The following MCTP1 variants were observed in gnomAD, a reference collection of about 807,000 sequenced individuals.
The protein encoded by MCTP1 is multiple C2 and transmembrane domain containing 1, also known as multiple C2 and transmembrane domain-containing protein 1.
A neutral mutation model predicts 120.6 loss-of-function variants in MCTP1; 69 were observed. The observed-to-expected ratio is 0.57, with a 90% CI of 0.47 to 0.70. The LOEUF is 0.70. Among genes scored for constraint, MCTP1 ranks in the 30% least tolerant of loss-of-function variants. MCTP1 has a pLI of 0.00. For synonymous variants in MCTP1, 529 were observed against 493.1 expected, an observed-to-expected ratio of 1.07 and a Z score of -0.96; for missense variants, 1,203 against 1,248.8, an observed-to-expected ratio of 0.96 and a Z score of 0.55.
Position 94,882,485 on chromosome 5 carries a change from G to A in MCTP1, c.1933+6394C>T, listed in dbSNP as rs531076829. 2.0e-4 allele frequency among the ~76,000 whole-genome samples: 30 copies of A among 151,468 alleles called. No individual in the cohort carries two copies. In the South Asian group the frequency reaches 3.3e-3, roughly 17 times the overall value. ...TCTATTTGTAGCATTTCCTTGATCCGTTGTTCTAGAAAATACATCACTTAT... is the reference window on the plus strand; with the variant it reads ...TCTATTTGTAGCATTTCCTTGATCCATTGTTCTAGAAAATACATCACTTAT... On this transcript the variant is annotated intron_variant, in intron 12 of 22. Transcript: ENST00000515393.
At chr5:95,025,997 T>C (rs1839184276) in intron 1 of MCTP1, among the ~76,000 whole-genome samples, 1 of 152,092 alleles carries the variant, frequency 6.6e-6, no homozygotes, top group African/African-American at 2.4e-5. Flanking sequence ...GAGGTCTTTT[T>C]ATATAAATAA....
intron 1 of MCTP1, among the ~76,000 whole-genome samples, chr5:95,279,421 T>C (rs1342513005): frequency 6.6e-6 from 1 of 152,204 alleles, no homozygotes; most frequent in Non-Finnish European, 1.5e-5. Flanking sequence ...AGTACTACCT[T>C]GATTTGTCAC....
intron 9 of MCTP1, 124 bp downstream of exon 9, chr5:94,912,682 T>C: frequency 1.4e-6 from 1 of 713,258 alleles, no homozygotes; most frequent in Non-Finnish European, 2.1e-6. Flanking sequence ...TTTTCTGACA[T>C]GGTGTTCAAA....
chr5:95,016,429 C>T (rs1278205354), intron 2 of MCTP1, among the ~76,000 whole-genome samples: 1 of 152,018 alleles, frequency 6.6e-6, no homozygotes, highest in East Asian at 1.9e-4. Context: ...TATTTTATTC[C>T]TTTAGATATA....
chr5:94,875,533 T>C (rs1356819392), intron 12 of MCTP1, among the ~76,000 whole-genome samples: 1 of 151,980 alleles, frequency 6.6e-6, no homozygotes, highest in Non-Finnish European at 1.5e-5. Context: ...ATGGCTGCTA[T>C]TTGGAAAATA....
intron 3 of MCTP1, among the ~76,000 whole-genome samples, chr5:94,943,630 C>T (rs369247746): frequency 3.9e-5 from 6 of 152,000 alleles, no homozygotes; most frequent in African/African-American, 1.2e-4. Context: ...CCATTCTCAA[C>T]GCTTACAGTT....
At chr5:94,750,287 C>T (rs112958125) in intron 19 of MCTP1, among the ~76,000 whole-genome samples, 22 of 152,276 alleles carry the variant, frequency 1.4e-4, no homozygotes, top group African/African-American at 3.1e-4. Flanking sequence ...ATGTTATTGA[C>T]GTACAGGGGG....
intron 17 of MCTP1, among the ~76,000 whole-genome samples, chr5:94,806,715 AT>A: frequency 6.6e-6 from 1 of 152,348 alleles, no homozygotes; most frequent in East Asian, 1.9e-4. Context: ...AAGAAATCTC[AT>A]CCAAAATGAT....
chr5:94,776,067 C>T (rs1356115545), intron 19 of MCTP1, among the ~76,000 whole-genome samples: 1 of 151,390 alleles, frequency 6.6e-6, no homozygotes, highest in African/African-American at 2.4e-5. Context: ...TAACCAAAGT[C>T]TTCCCTGGTG....
chr5:95,228,068 C>T (rs1245085776), intron 1 of MCTP1, among the ~76,000 whole-genome samples: 3 of 151,788 alleles, frequency 2.0e-5, no homozygotes, highest in Admixed American at 1.3e-4. Context: ...ACAAAAGGCA[C>T]CAAAAAATGG....
intron 1 of MCTP1, among the ~76,000 whole-genome samples, chr5:95,169,389 A>T (rs893693803): frequency 6.6e-6 from 1 of 152,178 alleles, no homozygotes; most frequent in South Asian, 2.1e-4. Flanking sequence ...AGGCTTTGGT[A>T]TCAGGATGAT....
At chr5:94,750,777 A>G (rs1308827434) in intron 19 of MCTP1, among the ~76,000 whole-genome samples, 1 of 152,190 alleles carries the variant, frequency 6.6e-6, no homozygotes, top group Non-Finnish European at 1.5e-5. Context: ...AGTCATCTTG[A>G]CTGGTCTATT....
intron 19 of MCTP1, among the ~76,000 whole-genome samples, chr5:94,717,278 G>A (rs1485218537): frequency 2.0e-5 from 3 of 152,000 alleles, no homozygotes; most frequent in Non-Finnish European, 4.4e-5. Flanking sequence ...CAAAAATCAC[G>A]ATTATTTCAA....
Position 95,283,883 on chromosome 5 carries a change from C to G in MCTP1, c.693G>C (p.Glu231Asp). Residue 231 changes from glutamate to aspartate, a missense_variant, in exon 1 of 23, where the codon GAG becomes GAC. Physicochemically the swap from Glu to Asp is conservative, Grantham distance 45. Transcript: ENST00000515393. ...GGCTGCTGCCGTGCTCCTCGCCCGT[C>G]TCCGGGGCCCGAGACTCCGCGGGAC... ...ARSPAESRAPETGEEHGSSQK... is the reference protein window; with the variant it reads ...ARSPAESRAPDTGEEHGSSQK... 1 of 1,379,958 alleles carries G rather than the reference C, an allele frequency of 7.2e-7. No homozygotes were observed. The highest frequency in any genetic ancestry group is 9.3e-7 in the Non-Finnish European group (1 of 1,076,288). 85.5% of individuals were successfully genotyped at this position (1,379,958 alleles called of 1,614,324 possible).
chr5:94,986,691 A>G (rs1039978191), intron 2 of MCTP1, among the ~76,000 whole-genome samples: 1 of 152,032 alleles, frequency 6.6e-6, no homozygotes, highest in Non-Finnish European at 1.5e-5. Flanking sequence ...TGTATTTTTT[A>G]GTAGAGATTG....
chr5:94,946,838 G>A (rs1037512098), intron 3 of MCTP1, among the ~76,000 whole-genome samples: 12 of 152,142 alleles, frequency 7.9e-5, no homozygotes, highest in South Asian at 2.1e-4. Context: ...ATCCATGTTC[G>A]GCATCCTTCT....
At chr5:95,112,972 C>T (rs1757564815) in intron 1 of MCTP1, among the ~76,000 whole-genome samples, 1 of 152,092 alleles carries the variant, frequency 6.6e-6, no homozygotes, top group Non-Finnish European at 1.5e-5. Context: ...TAGTAATTTA[C>T]ATTGACTATT....
chr5:95,010,245 A>C (rs1835658063), intron 2 of MCTP1, among the ~76,000 whole-genome samples: 1 of 151,972 alleles, frequency 6.6e-6, no homozygotes, highest in South Asian at 2.1e-4. Flanking sequence ...GAGTCCCTTC[A>C]TCCAATTGAT....
intron 19 of MCTP1, among the ~76,000 whole-genome samples, chr5:94,772,792 G>A (rs1293118702): frequency 6.6e-6 from 1 of 152,186 alleles, no homozygotes; most frequent in Non-Finnish European, 1.5e-5. Context: ...ACCTGCATCT[G>A]TACTTTGACA....
Sources: gnomAD v4.1 joint callset for allele counts (sites outside exome capture counted in the v4.1 genomes callset) on GRCh38, gnomAD v4.1.1 for gene constraint, MANE v1.5 for transcripts, NCBI Gene and HGNC (gene_info 2026-07-23, HGNC 2026-07-21) for gene names.